The following FXN variants were observed in gnomAD, a reference collection of about 807,000 sequenced individuals.
FXN encodes the protein frataxin, mitochondrial.
A neutral mutation model predicts 22.4 loss-of-function variants in FXN; 14 were observed. The ratio of observed to expected loss-of-function variants is 0.62; its 90% CI spans 0.41 to 0.98. The LOEUF is 0.98. Among genes scored for constraint, FXN ranks in the 50% least tolerant of loss-of-function variants. FXN has a pLI of 0.00. For missense variants in FXN, 267 were observed against 268.4 expected (o/e 0.99, Z 0.04); for synonymous variants, 120 against 114.1 (o/e 1.05, Z -0.33).
In FXN at chr9:69,076,752, G is replaced by A. The variant is rs150714901; in HGVS notation, c.*3990G>A. 9.0e-5 allele frequency: 89 copies of A among 985,368 alleles called. No individual in the cohort carries two copies. In the East Asian group the frequency reaches 7.9e-3, roughly 88 times the overall value. 61.0% of individuals were successfully genotyped at this position (985,368 alleles called of 1,614,324 possible). On this transcript the variant is annotated 3_prime_UTR_variant, in exon 5 of 5. Transcript: ENST00000484259. ...ACTAAGATGAAAGTAATTTTAGTCC[G>A]TGTCCAGTTGGATTCTTGGCACATA...
chr9:69,067,709 A>G (rs1832196440), intron 4 of FXN, among the ~76,000 whole-genome samples: 1 of 152,216 alleles, frequency 6.6e-6, no homozygotes, highest in African/African-American at 2.4e-5. Flanking sequence ...AGAGGCATTC[A>G]ACTGGCAAGA....
At chr9:69,060,253 C>T (rs568459124) in intron 3 of FXN, among the ~76,000 whole-genome samples, 3 of 152,064 alleles carry the variant, frequency 2.0e-5, no homozygotes, top group Admixed American at 6.5e-5. Context: ...CGCCTGTAGT[C>T]CCAGCTACTC....
At chr9:69,063,146 C>T (rs566241445) in intron 3 of FXN, among the ~76,000 whole-genome samples, 2 of 152,228 alleles carry the variant, frequency 1.3e-5, no homozygotes, top group Non-Finnish European at 2.9e-5. Context: ...CTGCAGTGAG[C>T]CATGATCCTG....
chr9:69,047,537 C>A (rs777189440), intron 2 of FXN, among the ~76,000 whole-genome samples: 1 of 152,168 alleles, frequency 6.6e-6, no homozygotes, highest in African/African-American at 2.4e-5. Flanking sequence ...TTCAGCCTCT[C>A]GAGAGGCTCC....
intron 1 of FXN, among the ~76,000 whole-genome samples, chr9:69,037,068 C>G (rs570036450): frequency 5.9e-5 from 9 of 151,978 alleles, no homozygotes; most frequent in Admixed American, 5.9e-4. Context: ...GTTATTTGGC[C>G]CACATTGTGT....
chr9:69,050,921 C>T (rs1831838425), intron 2 of FXN, among the ~76,000 whole-genome samples: 1 of 152,052 alleles, frequency 6.6e-6, no homozygotes, highest in Non-Finnish European at 1.5e-5. Context: ...GCTGGGATTA[C>T]AGGCATGCGC....
intron 4 of FXN, among the ~76,000 whole-genome samples, chr9:69,069,331 C>T (rs146824991): frequency 2.6e-5 from 4 of 152,282 alleles, no homozygotes; most frequent in Non-Finnish European, 5.9e-5. Flanking sequence ...TGCCACAGCA[C>T]TCCATCCTGG....
At chr9:69,055,378 A>G (rs1831937895) in intron 3 of FXN, among the ~76,000 whole-genome samples, 1 of 152,140 alleles carries the variant, frequency 6.6e-6, no homozygotes, top group Non-Finnish European at 1.5e-5. Context: ...CAGTCATGAA[A>G]CCTGTTTTTA....
chr9:69,040,649 C>G (rs920304714), intron 1 of FXN, among the ~76,000 whole-genome samples: 3 of 151,960 alleles, frequency 2.0e-5, no homozygotes, highest in Non-Finnish European at 4.4e-5. Context: ...GCCTGGGTGA[C>G]AGAGCGAGAC....
At chr9:69,062,645 A>C (rs986349485) in intron 3 of FXN, among the ~76,000 whole-genome samples, 1 of 152,080 alleles carries the variant, frequency 6.6e-6, no homozygotes, top group African/African-American at 2.4e-5. Flanking sequence ...TAAATGTATA[A>C]TTTTTATTTT....
intron 1 of FXN, 104 bp from the exon 2 acceptor site, chr9:69,046,281 C>T (rs983057849): frequency 8.4e-6 from 7 of 829,228 alleles, no homozygotes; most frequent in East Asian, 2.7e-5. Flanking sequence ...ATGGAGCACT[C>T]GGTTACAGGC....
intron 1 of FXN, among the ~76,000 whole-genome samples, chr9:69,040,845 T>C (rs748931196): frequency 1.3e-5 from 2 of 152,030 alleles, no homozygotes; most frequent in African/African-American, 2.4e-5. Flanking sequence ...GCCCATATGA[T>C]TGGGATTAGT....
rs549991367 is a variant in FXN, at chr9:69,073,347, T to C, written c.*585T>C. The C allele has an allele frequency of 1.0e-6, 1 of 991,424 alleles. No individual in the cohort carries two copies. The highest frequency in any genetic ancestry group is 5.7e-5 in the Admixed American group (1 of 17,586). The allele number at this position is 991,424 out of a possible 1,614,324, so 61.4% of individuals were successfully genotyped here. A position where few individuals can be genotyped will look rare whatever the true frequency, so the allele number is the denominator to read the frequency against. ...GTGACTGCCAAGGTGTGGCCTGCACTGGGTTGTCCAGGGAGACCTAGTGCT... is the reference window on the plus strand; with the variant it reads ...GTGACTGCCAAGGTGTGGCCTGCACCGGGTTGTCCAGGGAGACCTAGTGCT... On this transcript the variant is annotated 3_prime_UTR_variant, in exon 5 of 5. Coordinates refer to ENST00000484259, the MANE Select transcript of FXN (RefSeq NM_000144.5).
At chr9:69,068,154 C>T (rs761476110) in intron 4 of FXN, among the ~76,000 whole-genome samples, 6 of 152,196 alleles carry the variant, frequency 3.9e-5, no homozygotes, top group African/African-American at 7.2e-5. Context: ...CACCATGCTA[C>T]CCTGAGAGGA....
chr9:69,045,347 G>A (rs1248339157), intron 1 of FXN, among the ~76,000 whole-genome samples: 1 of 151,914 alleles, frequency 6.6e-6, no homozygotes, highest in Admixed American at 6.6e-5. Flanking sequence ...CTCACATCCA[G>A]CATTTTGGGA....
In FXN at chr9:69,077,911, C is replaced by G. The variant is rs1832400610; in HGVS notation, c.*5149C>G. On this transcript the variant is annotated 3_prime_UTR_variant, in exon 5 of 5. Coordinates refer to ENST00000484259, the MANE Select transcript of FXN (RefSeq NM_000144.5). ...CACCACTGCACTCCAGCCTGGGTGA[C>G]AAGAGGGAAACTCCATTAAAAAAAT... 2 of 971,980 alleles carry G rather than the reference C, an allele frequency of 2.1e-6. No individual in the cohort carries two copies. The highest frequency in any genetic ancestry group is 1.2e-6 in the Non-Finnish European group (1 of 817,872). The allele number at this position is 971,980 out of a possible 1,614,324, so 60.2% of individuals were successfully genotyped here. A position where few individuals can be genotyped will look rare whatever the true frequency, so the allele number is the denominator to read the frequency against.
intron 1 of FXN, among the ~76,000 whole-genome samples, chr9:69,043,785 T>C (rs1289240226): frequency 1.3e-5 from 2 of 152,208 alleles, no homozygotes; most frequent in Non-Finnish European, 2.9e-5. Context: ...GGTTTCACCA[T>C]GTTGGCCAGG....
intron 1 of FXN, among the ~76,000 whole-genome samples, chr9:69,042,701 C>G (rs1831679511): frequency 1.3e-5 from 2 of 152,156 alleles, no homozygotes. Flanking sequence ...AACACACACA[C>G]ACACAAACAA....
At position 69,077,284 on chromosome 9, in the gene FXN, A is replaced by AG; in HGVS notation, c.*4523dup. On this transcript the variant is annotated 3_prime_UTR_variant, in exon 5 of 5. Transcript: ENST00000484259. Reference sequence around the variant, plus strand: ...GGAGTGCATCCCGAAGTACCTGATCAGTGGCCCCTTTGGAATGTGTAAAAC... The same window carrying AG: ...GGAGTGCATCCCGAAGTACCTGATCAGGTGGCCCCTTTGGAATGTGTAAAAC... The AG allele has an allele frequency of 1.0e-6, 1 of 985,408 alleles. No individual in the cohort carries two copies. Among genetic ancestry groups the AG allele is most frequent in the South Asian group, 4.7e-5 (1 of 21,280 alleles). 61.0% of individuals were successfully genotyped at this position (985,408 alleles called of 1,614,324 possible). A position where few individuals can be genotyped will look rare whatever the true frequency, so the allele number is the denominator to read the frequency against.
Sources: allele counts gnomAD v4.1 joint callset (sites outside exome capture counted in the v4.1 genomes callset), GRCh38; gene constraint gnomAD v4.1.1; transcripts MANE v1.5; gene names NCBI Gene and HGNC (gene_info 2026-07-23, HGNC 2026-07-21).